ZFYVE1: variants seen among roughly 807,000 people sequenced by gnomAD.
The protein encoded by ZFYVE1 is zinc finger FYVE domain-containing protein 1.
Under a neutral mutation model 74.4 loss-of-function variants are expected in ZFYVE1, and 30 were observed. The observed-to-expected ratio is 0.40, with a 90% CI of 0.30 to 0.55. The LOEUF is 0.55. Among genes scored for constraint, ZFYVE1 ranks in the 20% least tolerant of loss-of-function variants. The pLI, the probability that ZFYVE1 is intolerant of heterozygous loss-of-function variation, is 0.42. For synonymous variants in ZFYVE1, 335 were observed against 385.1 expected (o/e 0.87, Z 1.52); for missense variants, 703 against 1,011.6 (o/e 0.69, Z 4.14).
chr14:73,006,064 G>GGC (rs1419289877), intron 2 of ZFYVE1, among the ~76,000 whole-genome samples: 3 of 151,992 alleles, frequency 2.0e-5, no homozygotes, highest in Admixed American at 6.5e-5. Flanking sequence ...TGGGACTACA[G>GGC]GCCCGCCACC....
intron 4 of ZFYVE1, among the ~76,000 whole-genome samples, chr14:72,983,272 T>C (rs1893385709): frequency 6.6e-6 from 1 of 151,796 alleles, no homozygotes; most frequent in Non-Finnish European, 1.5e-5. Flanking sequence ...TACGTATACA[T>C]GTGCCACGTT....
rs1041732103 is a variant in ZFYVE1 at position 72,985,697 on chromosome 14, T to C, written c.1204-3802A>G. Reference sequence around the variant, plus strand: ...AAAGAGGAGACACAGCTAAGGAATATAGAAGCCACTACAGAAGGTATAGAG... The same window carrying C: ...AAAGAGGAGACACAGCTAAGGAATACAGAAGCCACTACAGAAGGTATAGAG... On this transcript the variant is annotated intron_variant, in intron 4 of 11. Coordinates refer to ENST00000556143, the MANE Select transcript of ZFYVE1 (RefSeq NM_021260.4). Among the ~76,000 whole-genome samples the C allele has an allele frequency of 6.0e-5, 9 of 150,708 alleles. No individual in the cohort carries two copies. In the South Asian group the frequency reaches 6.3e-4, roughly 11 times the overall value.
intron 3 of ZFYVE1, among the ~76,000 whole-genome samples, chr14:72,997,220 A>G (rs556457325): frequency 1.3e-5 from 2 of 152,348 alleles, no homozygotes; most frequent in African/African-American, 4.8e-5. Flanking sequence ...TCATCAGTAC[A>G]TAAATATCTG....
chr14:73,017,461 C>A (rs1364510942), intron 2 of ZFYVE1, among the ~76,000 whole-genome samples: 1 of 152,212 alleles, frequency 6.6e-6, no homozygotes, highest in Admixed American at 6.5e-5. Context: ...GATTGACAAC[C>A]ACTGTGTTAG....
At chr14:73,023,111 A>G (rs2140392251) in intron 2 of ZFYVE1, among the ~76,000 whole-genome samples, 1 of 148,938 alleles carries the variant, frequency 6.7e-6, no homozygotes, top group South Asian at 2.1e-4. Context: ...CAGTGAGCCA[A>G]GATGGCACCA....
Position 72,975,081 on chromosome 14 carries a change from G to A in ZFYVE1, c.1807-122C>T, listed in dbSNP as rs1281308853. 3.1e-5 allele frequency: 33 copies of A among 1,060,656 alleles called. No homozygotes were observed. The Admixed American group carries it at 3.8e-4, about 12-fold the overall frequency. The allele number at this position is 1,060,656 out of a possible 1,614,324, so 65.7% of individuals were successfully genotyped here. A position where few individuals can be genotyped will look rare whatever the true frequency, so the allele number is the denominator to read the frequency against. On this transcript the variant is annotated intron_variant, in intron 9 of 11. Transcript: ENST00000556143. The surrounding 1 kb of genome is among the most constrained non-coding windows in gnomAD (Gnocchi z 4.1). The stretch of plus-strand genomic sequence containing the variant: ...AAGGCAGGTGGCGTTAGCTCAACAA[G>A]GACAAGAGCTTTCTAGTAACGCGTT...
At chr14:72,997,034 A>G (rs1231136178) in intron 3 of ZFYVE1, among the ~76,000 whole-genome samples, 2 of 152,090 alleles carry the variant, frequency 1.3e-5, no homozygotes, top group African/African-American at 4.8e-5. Flanking sequence ...TTACACACAC[A>G]CGTCCCATGT....
chr14:73,021,784 GA>G (rs899620920), intron 2 of ZFYVE1, among the ~76,000 whole-genome samples: 25 of 149,718 alleles, frequency 1.7e-4, no homozygotes, highest in African/African-American at 4.9e-4. Context: ...TTACATTCAA[GA>G]AAAAAAAAGA....
intron 5 of ZFYVE1, among the ~76,000 whole-genome samples, chr14:72,980,166 G>A (rs1893283653): frequency 6.6e-6 from 1 of 152,182 alleles, no homozygotes; most frequent in African/African-American, 2.4e-5. Context: ...TGCCCAGGCT[G>A]TATAATCCAA....
chr14:72,971,237 G>A lies in ZFYVE1; in HGVS notation c.2102-123C>T, dbSNP rs1893027112. On this transcript the variant is annotated intron_variant, in intron 11 of 11. Coordinates refer to ENST00000556143, the MANE Select transcript of ZFYVE1 (RefSeq NM_021260.4). ...AACTGCACACAGAATTGCTGACAGA[G>A]CTTTTTAAAAATGCAGAAGCCCAGG... 18 of 1,019,314 alleles carry A rather than the reference G, an allele frequency of 1.8e-5. 1 individual carries two copies. The South Asian group carries it at 2.1e-4, about 12-fold the overall frequency. The allele number at this position is 1,019,314 out of a possible 1,614,324, so 63.1% of individuals were successfully genotyped here. A position where few individuals can be genotyped will look rare whatever the true frequency, so the allele number is the denominator to read the frequency against.
intron 11 of ZFYVE1, 133 bp downstream of exon 11, chr14:72,973,947 G>A: frequency 4.3e-6 from 3 of 692,042 alleles, no homozygotes; most frequent in East Asian, 2.8e-5. Context: ...GCAAATGTGT[G>A]GCATTGTGTA....
chr14:72,970,095 C>G lies in ZFYVE1; in HGVS notation c.*787G>C, dbSNP rs1892991609. On this transcript the variant is annotated 3_prime_UTR_variant, in exon 12 of 12. Coordinates refer to ENST00000556143, the MANE Select transcript of ZFYVE1 (RefSeq NM_021260.4). ...GCCTTTTGGGAAAGCCGAGTGGAGA[C>G]AGAAGCATCGGGACAGGAAGCCCTG... The G allele has an allele frequency of 3.4e-6, 1 of 295,210 alleles. No individual in the cohort carries two copies. Among genetic ancestry groups the G allele is most frequent in the Non-Finnish European group, 6.3e-6 (1 of 158,402 alleles). 18.3% of individuals were successfully genotyped at this position (295,210 alleles called of 1,614,324 possible).
chr14:72,986,475 T>TAAA (rs33940384), intron 4 of ZFYVE1, among the ~76,000 whole-genome samples: 1 of 139,694 alleles, frequency 7.2e-6, no homozygotes, highest in South Asian at 2.2e-4. Context: ...CAGTAACTGT[T>TAAA]AAAAAAAAAA....
At chr14:73,009,542 G>A (rs945152523) in intron 2 of ZFYVE1, among the ~76,000 whole-genome samples, 1 of 152,196 alleles carries the variant, frequency 6.6e-6, no homozygotes, top group African/African-American at 2.4e-5. Context: ...GGATCACAAG[G>A]TCAGGAGTTC....
At chr14:72,976,676 G>A (rs558862247) in intron 8 of ZFYVE1, among the ~76,000 whole-genome samples, 2 of 151,844 alleles carry the variant, frequency 1.3e-5, no homozygotes, top group East Asian at 1.9e-4. Flanking sequence ...CCAGCTACTC[G>A]GGAGGCTGAG....
At chr14:72,987,860 C>CACA (rs1294526074) in intron 4 of ZFYVE1, among the ~76,000 whole-genome samples, 1 of 152,108 alleles carries the variant, frequency 6.6e-6, no homozygotes, top group African/African-American at 2.4e-5. Context: ...CTGGGGCCTG[C>CACA]ACAACAGTGT....
intron 4 of ZFYVE1, among the ~76,000 whole-genome samples, chr14:72,992,346 T>G (rs907237520): frequency 6.6e-6 from 1 of 152,172 alleles, no homozygotes; most frequent in Non-Finnish European, 1.5e-5. Flanking sequence ...GAGAAGGAGC[T>G]CTAGCGTAAA....
At chr14:72,992,624 G>GCCTC (rs1893644266) in intron 4 of ZFYVE1, among the ~76,000 whole-genome samples, 2 of 71,820 alleles carry the variant, frequency 2.8e-5, no homozygotes, top group African/African-American at 1.2e-4. Context: ...TGCCCCCCCC[G>GCCTC]CCCCTTGCAA....
Position 73,006,390 on chromosome 14 carries a change from C to T in ZFYVE1, c.484-8075G>A, listed in dbSNP as rs1321169504. On this transcript the variant is annotated intron_variant, in intron 2 of 11. Coordinates refer to ENST00000556143, the MANE Select transcript of ZFYVE1 (RefSeq NM_021260.4). ...GGGAGTTCGAGACCAGCCTGGCCAA[C>T]GTGGTGAAACCCCATCTCCACTAAA... Among the ~76,000 whole-genome samples the T allele has an allele frequency of 3.3e-5, 5 of 152,000 alleles. No homozygotes were observed. The East Asian group carries it at 5.9e-4, about 18-fold the overall frequency.
Sources: gnomAD v4.1 joint callset for allele counts (sites outside exome capture counted in the v4.1 genomes callset) on GRCh38, gnomAD v4.1.1 for gene constraint, Gnocchi (gnomAD v3.1) non-coding constraint, MANE v1.5 for transcripts, NCBI Gene and HGNC (gene_info 2026-07-23, HGNC 2026-07-21) for gene names.